CHD9: variants seen among roughly 807,000 people sequenced by gnomAD.
CHD9 encodes the protein chromodomain helicase DNA binding protein 9.
In CHD9, 77 loss-of-function variants were observed where a neutral mutation model predicts 316.1. That is an observed-to-expected ratio of 0.24 (90% CI 0.20 to 0.29). The LOEUF (loss-of-function observed/expected upper bound fraction) is 0.29, where lower values mean the gene tolerates loss of function less well. Ranked by LOEUF, CHD9 falls within the 10% of genes least tolerant of loss-of-function variation. CHD9 has a pLI of 1.00. For missense variants in CHD9, 2,763 were observed against 3,438.1 expected (o/e 0.80, Z 4.91); for synonymous variants, 1,129 against 1,158.3 (o/e 0.97, Z 0.51).
chr16:53,185,304 A>T (rs181185590), intron 2 of CHD9, among the ~76,000 whole-genome samples: 1 of 152,294 alleles, frequency 6.6e-6, no homozygotes, highest in Non-Finnish European at 1.5e-5. Flanking sequence ...TCAGATGGAG[A>T]TGGGCAGATT....
chr16:53,065,803 T>G (rs144719346), intron 1 of CHD9, among the ~76,000 whole-genome samples: 134 of 152,190 alleles, frequency 8.8e-4, no homozygotes, highest in African/African-American at 3.2e-3. Context: ...TTTTTGGAGC[T>G]CCTCACGCAT....
intron 1 of CHD9, among the ~76,000 whole-genome samples, chr16:53,100,566 C>T (rs1158344785): frequency 3.3e-5 from 5 of 151,196 alleles, no homozygotes; most frequent in African/African-American, 1.2e-4. Flanking sequence ...TCAAGTGATC[C>T]TCCCGCCTCA....
intron 29 of CHD9, 93 bp downstream of exon 29, chr16:53,293,145 A>G (rs1480165797): frequency 2.1e-5 from 23 of 1,114,466 alleles, no homozygotes; most frequent in South Asian, 2.9e-5. Context: ...CTTTGTGGAA[A>G]ACATACATAG....
Position 53,288,000 on chromosome 16 carries a change from AAAG to A in CHD9, c.5235_5237del (p.Lys1745_Asp1746delinsAsn). The A allele has an allele frequency of 6.2e-7, 1 of 1,610,276 alleles. No homozygotes were observed. The highest frequency in any genetic ancestry group is 8.5e-7 in the Non-Finnish European group (1 of 1,176,470). On this transcript the variant is annotated inframe_deletion, in exon 27 of 39. Transcript: ENST00000447540. ...ATACAAACCTGCCCCAGCCATCTTTAAAGATGATATAGAGGTATGCATTGGATC... is the reference window on the plus strand; with the variant it reads ...ATACAAACCTGCCCCAGCCATCTTTAATGATATAGAGGTATGCATTGGATC...
chr16:53,077,403 A>C (rs2034629012), intron 1 of CHD9, among the ~76,000 whole-genome samples: 1 of 151,528 alleles, frequency 6.6e-6, no homozygotes, highest in African/African-American at 2.4e-5. Flanking sequence ...GGCTCACTGA[A>C]AGCTCTGCCT....
At chr16:53,238,059 T>C (rs73599649) in intron 11 of CHD9, among the ~76,000 whole-genome samples, 4,924 of 152,248 alleles carry the variant, frequency 0.032, 98 homozygotes, top group Middle Eastern at 0.071. Flanking sequence ...ATTAAATGAT[T>C]CCTGAACAAA....
At chr16:53,203,358 T>G (rs920983156) in intron 2 of CHD9, among the ~76,000 whole-genome samples, 1 of 152,216 alleles carries the variant, frequency 6.6e-6, no homozygotes, top group African/African-American at 2.4e-5. Flanking sequence ...CTCCTGATAC[T>G]TACCTTACCA....
intron 12 of CHD9, among the ~76,000 whole-genome samples, chr16:53,239,897 T>C (rs1462536306): frequency 6.6e-6 from 1 of 152,186 alleles, no homozygotes. Context: ...TATTTTCAAT[T>C]GAAGAATAAT....
At chr16:53,088,055 A>T (rs1214973188) in intron 1 of CHD9, among the ~76,000 whole-genome samples, 1 of 151,958 alleles carries the variant, frequency 6.6e-6, no homozygotes, top group Non-Finnish European at 1.5e-5. Context: ...ATGGATTTGG[A>T]GTTCAAATGT....
At chr16:53,168,209 C>T (rs1597253298) in intron 2 of CHD9, among the ~76,000 whole-genome samples, 1 of 152,092 alleles carries the variant, frequency 6.6e-6, no homozygotes, top group East Asian at 1.9e-4. Flanking sequence ...CTACAGGCGC[C>T]TGCCATCATG....
chr16:53,244,483 G>A (rs76656045), intron 13 of CHD9, among the ~76,000 whole-genome samples: 11 of 152,064 alleles, frequency 7.2e-5, no homozygotes, highest in African/African-American at 1.7e-4. Context: ...GAGCCACCGC[G>A]CCCGGCCTCA....
At chr16:53,173,926 A>G (rs1422779748) in intron 2 of CHD9, among the ~76,000 whole-genome samples, 4 of 152,128 alleles carry the variant, frequency 2.6e-5, no homozygotes, top group Non-Finnish European at 5.9e-5. Flanking sequence ...ATTTGATGCT[A>G]TACATTTCCC....
chr16:53,092,760 A>G (rs1246291232), intron 1 of CHD9, among the ~76,000 whole-genome samples: 1 of 151,918 alleles, frequency 6.6e-6, no homozygotes, highest in African/African-American at 2.4e-5. Context: ...AGGCACCTGC[A>G]CCTTTATTAT....
intron 2 of CHD9, among the ~76,000 whole-genome samples, chr16:53,201,777 T>C (rs1280703174): frequency 6.6e-6 from 1 of 152,036 alleles, no homozygotes; most frequent in African/African-American, 2.4e-5. Context: ...ATCTTAGTCT[T>C]ATCATTCATC....
At chr16:53,258,563 C>T (rs1040768014) in intron 19 of CHD9, among the ~76,000 whole-genome samples, 13 of 152,038 alleles carry the variant, frequency 8.6e-5, no homozygotes, top group South Asian at 4.2e-4. Context: ...CTTTTTCCTG[C>T]GACCCAAAGA....
At chr16:53,119,156 G>A (rs2152646478) in intron 1 of CHD9, among the ~76,000 whole-genome samples, 1 of 152,174 alleles carries the variant, frequency 6.6e-6, no homozygotes, top group Admixed American at 6.5e-5. Context: ...AACTTTTGGA[G>A]GCGATGAATA....
intron 1 of CHD9, among the ~76,000 whole-genome samples, chr16:53,079,220 G>A (rs914891531): frequency 1.3e-5 from 2 of 152,188 alleles, no homozygotes; most frequent in Admixed American, 1.3e-4. Context: ...ACCATTGGCT[G>A]TTCATGCCAT....
intron 1 of CHD9, among the ~76,000 whole-genome samples, chr16:53,145,135 C>T (rs2040465338): frequency 6.6e-6 from 1 of 151,634 alleles, no homozygotes; most frequent in Non-Finnish European, 1.5e-5. Flanking sequence ...GGCACAGTGG[C>T]TTACTCTTGT....
chr16:53,291,733 T>G lies in CHD9; in HGVS notation c.5256T>G (p.Val1752=). The G allele has an allele frequency of 2.6e-6, 4 of 1,564,730 alleles. No individual in the cohort carries two copies. In the South Asian group the frequency reaches 4.9e-5, roughly 19 times the overall value. Residue 1752 remains valine, a synonymous_variant, in exon 28 of 39, where the codon GTT becomes GTG. Coordinates refer to ENST00000447540, the MANE Select transcript of CHD9 (RefSeq NM_001308319.2). ...CTATTTTCTTTTAAAAGGATGATGT[T>G]TCCTCACCAGGAGATCTTGTTATAG... ...AIFKDDIEDD[V]SSPGDLVIAD...
Sources: allele counts gnomAD v4.1 joint callset (sites outside exome capture counted in the v4.1 genomes callset), GRCh38; gene constraint gnomAD v4.1.1; transcripts MANE v1.5; gene names NCBI Gene and HGNC (gene_info 2026-07-23, HGNC 2026-07-21).